PLA2G2C: variants seen among roughly 807,000 people sequenced by gnomAD.
PLA2G2C encodes the protein phospholipase A2 group IIC, also known as putative inactive group IIC secretory phospholipase A2.
Under a neutral mutation model 14.3 loss-of-function variants are expected in PLA2G2C, and 15 were observed. That is an observed-to-expected ratio of 1.05 (90% CI 0.70 to 1.62). The LOEUF is 1.62. PLA2G2C is among the 40% of genes most tolerant of loss of function. The probability of loss-of-function intolerance (pLI) is 0.00; values close to 1 mark genes in which losing one functional copy is unlikely to be tolerated. For missense variants in PLA2G2C, 162 were observed against 173.2 expected (o/e 0.94, Z 0.36); for synonymous variants, 79 against 67.7 (o/e 1.17, Z -0.82).
chr1:20,173,142 G>A (rs796795669), intron 3 of PLA2G2C, among the ~76,000 whole-genome samples: 3 of 140,206 alleles, frequency 2.1e-5, no homozygotes, highest in African/African-American at 8.0e-5. Context: ...GACCGCCTAT[G>A]TTTTTTAAGT....
In PLA2G2C at chr1:20,170,745, G is replaced by A. The variant is rs536141966; in HGVS notation, c.283+2049C>T. Among the ~76,000 whole-genome samples the A allele has an allele frequency of 1.4e-4, 13 of 95,764 alleles. 2 individuals carry two copies. Among genetic ancestry groups the A allele is most frequent in the Non-Finnish European group, 1.8e-4 (8 of 45,138 alleles). The allele number at this position is 95,764 out of a possible 152,430, so 62.8% of individuals were successfully genotyped here. ...TACTGATGCGGAAGCCTCCTCCCAC[G>A]CTAGTGCCCTGAGCAAGGCTCTGGA... On this transcript the variant is annotated intron_variant, in intron 4 of 4. Coordinates refer to ENST00000679259, the MANE Select transcript of PLA2G2C (RefSeq NM_001367969.2).
In PLA2G2C at chr1:20,179,687, C is replaced by T. The variant is rs112861059; in HGVS notation, c.-76-2248G>A. Reference sequence around the variant, plus strand: ...CTTCTCCCTCTATGTCAGTTTCTCTCTGTGTGTGTCAGCTTCTCCCTTGTG... The same window carrying T: ...CTTCTCCCTCTATGTCAGTTTCTCTTTGTGTGTGTCAGCTTCTCCCTTGTG... On this transcript the variant is annotated intron_variant, in intron 1 of 4. Coordinates refer to ENST00000679259, the MANE Select transcript of PLA2G2C (RefSeq NM_001367969.2). 1.5e-3 allele frequency among the ~76,000 whole-genome samples: 213 copies of T among 144,314 alleles called. 1 individual carries two copies. The highest frequency in any genetic ancestry group is 5.2e-3 in the African/African-American group (198 of 38,150). The allele number at this position is 144,314 out of a possible 152,430, so 94.7% of individuals were successfully genotyped here.
chr1:20,176,210 C>T (rs143463277), intron 2 of PLA2G2C, among the ~76,000 whole-genome samples: 19 of 152,140 alleles, frequency 1.2e-4, no homozygotes, highest in African/African-American at 3.6e-4. Flanking sequence ...TGAACAACCG[C>T]GCCCGGCCCA....
intron 3 of PLA2G2C, among the ~76,000 whole-genome samples, chr1:20,174,793 CT>C (rs2018149717): frequency 6.6e-6 from 1 of 152,166 alleles, no homozygotes; most frequent in Non-Finnish European, 1.5e-5. Flanking sequence ...GTGTTGGGCC[CT>C]GTGAAACTTC....
rs1318826570 is a variant in PLA2G2C at position 20,164,068 on chromosome 1, T to G, written c.373A>C (p.Ser125Arg). 1 of 1,613,740 alleles carries G rather than the reference T, an allele frequency of 6.2e-7. No individual in the cohort carries two copies. The highest frequency in any genetic ancestry group is 1.3e-5 in the African/African-American group (1 of 74,922). ...DKQSVHCFKE[S>R]LPTYEKNFKQ... ...AAGTTTTTCTCATAGGTGGGCAGGC[T>G]CTCTTTGAAGCAGTGCACGGATTGC... Residue 125 changes from serine (S) to arginine (R), a missense_variant, in exon 5 of 5, where the codon AGC becomes CGC. Ser to Arg is a moderately radical substitution (Grantham distance 110, BLOSUM62 -1). Transcript: ENST00000679259.
intron 1 of PLA2G2C, among the ~76,000 whole-genome samples, chr1:20,182,674 C>A (rs1380837533): frequency 6.6e-6 from 1 of 152,240 alleles, no homozygotes. Context: ...TAACTGCCAG[C>A]CTCTTGGCCT....
intron 4 of PLA2G2C, among the ~76,000 whole-genome samples, chr1:20,165,505 A>G (rs887627239): frequency 1.3e-5 from 2 of 152,254 alleles, no homozygotes; most frequent in Non-Finnish European, 2.9e-5. Context: ...GATGCTGCAC[A>G]GAGCAGATGC....
chr1:20,180,109 C>T (rs1029273108), intron 1 of PLA2G2C, among the ~76,000 whole-genome samples: 1 of 151,946 alleles, frequency 6.6e-6, no homozygotes, highest in African/African-American at 2.4e-5. Flanking sequence ...GTTAGCTTCT[C>T]TTTCTATGTC....
At position 20,175,088 on chromosome 1, in the gene PLA2G2C, C is replaced by T. The variant is rs1339416706; in HGVS notation, c.98G>A (p.Arg33Gln). ...TCCGTAATATGAGAAGAAGGCACTT[C>T]GCCCCGTGATGTGTTTGACCCTCCT... Reference protein sequence around the residue: ...FQRRVKHITGRSAFFSYYGYG... With the variant: ...FQRRVKHITGQSAFFSYYGYG... The change falls in exon 3 of 5, where the codon CGA (arginine) becomes CAA (glutamine). Residue 33 changes from arginine to glutamine, a missense_variant. Arg to Gln is a conservative substitution (Grantham distance 43). Transcript: ENST00000679259. The T allele has an allele frequency of 2.5e-6, 4 of 1,613,926 alleles. No individual in the cohort carries two copies. Among genetic ancestry groups the T allele is most frequent in the Non-Finnish European group, 3.4e-6 (4 of 1,179,846 alleles).
chr1:20,170,681 G>A (rs907868301), intron 4 of PLA2G2C, among the ~76,000 whole-genome samples: 3 of 152,256 alleles, frequency 2.0e-5, no homozygotes, highest in Non-Finnish European at 2.9e-5. Context: ...TGGTCCTCAC[G>A]GGCTGGGTCA....
chr1:20,177,025 C>T (rs1569935632), intron 2 of PLA2G2C, among the ~76,000 whole-genome samples: 1 of 152,056 alleles, frequency 6.6e-6, no homozygotes. Context: ...TACTAGCATC[C>T]AAAGGAAAAA....
At chr1:20,171,249 G>A (rs935203611) in intron 4 of PLA2G2C, among the ~76,000 whole-genome samples, 1 of 152,154 alleles carries the variant, frequency 6.6e-6, no homozygotes, top group Non-Finnish European at 1.5e-5. Context: ...GGCCTTGGAG[G>A]TGTCACAGAA....
Position 20,175,708 on chromosome 1 carries a change from T to C in PLA2G2C, c.41-563A>G, listed in dbSNP as rs535158013. On this transcript the variant is annotated intron_variant, in intron 2 of 4. Coordinates refer to ENST00000679259, the MANE Select transcript of PLA2G2C (RefSeq NM_001367969.2). ...TGGTTTCCTGAAGCATTATCTGTGA[T>C]ATCAAAAAATTGGAAACCACCCACA... Among the ~76,000 whole-genome samples the C allele has an allele frequency of 2.0e-5, 3 of 152,280 alleles. No individual in the cohort carries two copies. The South Asian group carries it at 6.2e-4, about 32-fold the overall frequency.
intron 1 of PLA2G2C, among the ~76,000 whole-genome samples, chr1:20,180,656 C>T (rs2018264952): frequency 1.3e-5 from 2 of 152,236 alleles, no homozygotes; most frequent in Non-Finnish European, 2.9e-5. Flanking sequence ...CATGCACTGA[C>T]CTTCACAGCT....
chr1:20,165,668 A>G (rs2017961959), intron 4 of PLA2G2C, among the ~76,000 whole-genome samples: 3 of 151,720 alleles, frequency 2.0e-5, no homozygotes, highest in Non-Finnish European at 4.4e-5. Context: ...GTGCATGCAC[A>G]TGTGTGTGCA....
At chr1:20,167,226 G>A (rs1404541044) in intron 4 of PLA2G2C, among the ~76,000 whole-genome samples, 2 of 152,116 alleles carry the variant, frequency 1.3e-5, no homozygotes, top group Non-Finnish European at 2.9e-5. Flanking sequence ...CAACTTCTCC[G>A]CTGCAGCCCA....
chr1:20,177,479 T>C (rs896047051), intron 1 of PLA2G2C, 40 bp from the exon 2 acceptor site: 17 of 582,804 alleles, frequency 2.9e-5, no homozygotes, highest in Middle Eastern at 5.3e-4. Context: ...GCAAGGGTAT[T>C]TGGGTGCAAA....
At chr1:20,170,485 A>G (rs539056849) in intron 4 of PLA2G2C, among the ~76,000 whole-genome samples, 1 of 152,206 alleles carries the variant, frequency 6.6e-6, no homozygotes, top group Non-Finnish European at 1.5e-5. Context: ...CCCCTGGCAC[A>G]GCACCGGCAC....
At chr1:20,178,537 GGTCCCAGCCAACCTTC>G (rs1340571839) in intron 1 of PLA2G2C, among the ~76,000 whole-genome samples, 2 of 152,168 alleles carry the variant, frequency 1.3e-5, no homozygotes, top group African/African-American at 4.8e-5. Context: ...GACCAGGCCT[GGTCCCAGCCAACCTTC>G]ACTTCAATTG....
Sources: allele counts gnomAD v4.1 joint callset (sites outside exome capture counted in the v4.1 genomes callset), GRCh38; gene constraint gnomAD v4.1.1; transcripts MANE v1.5; gene names NCBI Gene and HGNC (gene_info 2026-07-23, HGNC 2026-07-21).